Variants in PARD6G observed in about 807,000 individuals in gnomAD.
PARD6G encodes the protein partitioning defective 6 homolog gamma.
Under a neutral mutation model 10.7 loss-of-function variants are expected in PARD6G, and 7 were observed. That is an observed-to-expected ratio of 0.66 (90% CI 0.37 to 1.23). PARD6G has a LOEUF of 1.23. Ranked by LOEUF, PARD6G falls within the 50% of genes most tolerant of loss-of-function variation. The probability of loss-of-function intolerance (pLI) is 0.02; values close to 1 mark genes in which losing one functional copy is unlikely to be tolerated. For missense variants in PARD6G, 548 were observed against 571.8 expected (o/e 0.96, Z 0.42); for synonymous variants, 287 against 269.4 (o/e 1.07, Z -0.64).
At position 80,183,799 on chromosome 18, in the gene PARD6G, A is replaced by G. The variant is rs959159288; in HGVS notation, c.295+18911T>C. ...AAAATACAATAAATAAGTCCTCTAAATAAAGCTGTGGTATGAAGTTTAAAT... is the reference window on the plus strand; with the variant it reads ...AAAATACAATAAATAAGTCCTCTAAGTAAAGCTGTGGTATGAAGTTTAAAT... On this transcript the variant is annotated intron_variant, in intron 2 of 2. Transcript: ENST00000353265. This position sits in a 1 kb window ranked among gnomAD's most constrained non-coding sequence, Gnocchi z 4.5. 8.5e-5 allele frequency: 13 copies of G among 152,308 alleles called. No individual in the cohort carries two copies. Among genetic ancestry groups the G allele is most frequent in the Admixed American group, 5.9e-4 (9 of 15,284 alleles). The allele number at this position is 152,308 out of a possible 1,614,324, so 9.4% of individuals were successfully genotyped here.
At chr18:80,233,063 A>T in intron 1 of PARD6G, among the ~76,000 whole-genome samples, 1 of 151,342 alleles carries the variant, frequency 6.6e-6, no homozygotes, top group Admixed American at 6.6e-5. Flanking sequence ...CCACACACGC[A>T]GGGACCCCAG....
At chr18:80,214,056 T>C (rs11660652) in intron 1 of PARD6G, among the ~76,000 whole-genome samples, 39,986 of 151,546 alleles carry the variant, frequency 0.26, 6,944 homozygotes, top group Non-Finnish European at 0.4. Flanking sequence ...AAACTGTCCA[T>C]GAGGGGGCCC....
At chr18:80,203,601 G>A (rs1265763618) in intron 1 of PARD6G, among the ~76,000 whole-genome samples, 6 of 152,172 alleles carry the variant, frequency 3.9e-5, no homozygotes, top group African/African-American at 1.4e-4. Context: ...CATGAAAGGA[G>A]AATCCTTCCT....
chr18:80,172,714 C>A (rs1280249509), intron 2 of PARD6G, among the ~76,000 whole-genome samples: 1 of 152,168 alleles, frequency 6.6e-6, no homozygotes, highest in African/African-American at 2.4e-5. Context: ...CGTGAGTATT[C>A]TTTACATATT....
At position 80,228,095 on chromosome 18, in the gene PARD6G, A is replaced by G. The variant is rs551041270; in HGVS notation, c.72+19182T>C. 2.5e-4 allele frequency among the ~76,000 whole-genome samples: 38 copies of G among 152,314 alleles called. No individual in the cohort carries two copies. Among genetic ancestry groups the G allele is most frequent in the African/African-American group, 5.1e-4 (21 of 41,564 alleles). ...GAGAGCTCAGTATACAGTAGATACT[A>G]AAAACATTTACTAAACGACAGGTGA... On this transcript the variant is annotated intron_variant, in intron 1 of 2. Coordinates refer to ENST00000353265, the MANE Select transcript of PARD6G (RefSeq NM_032510.4). This position sits in a 1 kb window ranked among gnomAD's most constrained non-coding sequence, Gnocchi z 4.6.
At position 80,246,446 on chromosome 18, in the gene PARD6G, C is replaced by T. The variant is rs539777265; in HGVS notation, c.72+831G>A. 6.6e-6 allele frequency among the ~76,000 whole-genome samples: 1 copy of T among 152,168 alleles called. No homozygotes were observed. Among genetic ancestry groups the T allele is most frequent in the Admixed American group, 6.5e-5 (1 of 15,292 alleles). ...GCGACCCGCAAGTTCGGGCACGCTC[C>T]GCCCGGGCGCAGGCAGCGGGAGGGG... On this transcript the variant is annotated intron_variant, in intron 1 of 2. Coordinates refer to ENST00000353265, the MANE Select transcript of PARD6G (RefSeq NM_032510.4). The surrounding 1 kb of genome is among the most constrained non-coding windows in gnomAD (Gnocchi z 6.7).
chr18:80,232,362 G>C (rs1967367474), intron 1 of PARD6G, among the ~76,000 whole-genome samples: 1 of 152,112 alleles, frequency 6.6e-6, no homozygotes, highest in Non-Finnish European at 1.5e-5. Context: ...GCATGTATTA[G>C]TCCGTTTTCA....
intron 1 of PARD6G, among the ~76,000 whole-genome samples, chr18:80,240,264 A>T (rs751715426): frequency 6.6e-6 from 1 of 152,252 alleles, no homozygotes; most frequent in Non-Finnish European, 1.5e-5. Flanking sequence ...ACTGCAAAAT[A>T]TAATCATCCC....
In PARD6G at chr18:80,182,974, C is replaced by T. The variant is rs2052855553; in HGVS notation, c.295+19736G>A. On this transcript the variant is annotated intron_variant, in intron 2 of 2. Transcript: ENST00000353265. The surrounding 1 kb of genome is among the most constrained non-coding windows in gnomAD (Gnocchi z 4.5). The stretch of plus-strand genomic sequence containing the variant: ...GCAGCCAGACGCCCCTCCCAGTCCT[C>T]CTTCGTCCTGACGTGGCTCCCAGTG... The T allele has an allele frequency of 7.8e-6, 5 of 640,868 alleles. No homozygotes were observed. In the South Asian group the frequency reaches 8.9e-5, roughly 11 times the overall value. The allele number at this position is 640,868 out of a possible 1,614,324, so 39.7% of individuals were successfully genotyped here. A position where few individuals can be genotyped will look rare whatever the true frequency, so the allele number is the denominator to read the frequency against.
At chr18:80,241,097 C>G (rs190965390) in intron 1 of PARD6G, among the ~76,000 whole-genome samples, 27 of 152,294 alleles carry the variant, frequency 1.8e-4, no homozygotes, top group African/African-American at 6.5e-4. Context: ...CCATAAAACA[C>G]AAGACTAACC....
chr18:80,222,194 C>T (rs557813323), intron 1 of PARD6G, among the ~76,000 whole-genome samples: 21 of 152,136 alleles, frequency 1.4e-4, no homozygotes, highest in Non-Finnish European at 2.9e-4. Flanking sequence ...AAGTGATCTT[C>T]CTGCATCAGC....
intron 2 of PARD6G, among the ~76,000 whole-genome samples, chr18:80,199,115 G>A (rs973426283): frequency 6.6e-6 from 1 of 152,180 alleles, no homozygotes; most frequent in African/African-American, 2.4e-5. Flanking sequence ...GTAGTAGTTT[G>A]TTCTCTAAAG....
rs1281233244 is a variant in PARD6G at position 80,232,521 on chromosome 18, AT to A, written c.72+14755del. Among the ~76,000 whole-genome samples, 8 of 152,176 alleles carry A rather than the reference AT, an allele frequency of 5.3e-5. No homozygotes were observed. The East Asian group carries it at 1.5e-3, about 29-fold the overall frequency. On this transcript the variant is annotated intron_variant, in intron 1 of 2. Coordinates refer to ENST00000353265, the MANE Select transcript of PARD6G (RefSeq NM_032510.4). ...GCAGCAAGAAAAAAATGAGGAAGAT[AT>A]GAAAGTGGAAACCCCTGATAAAACC...
At chr18:80,234,451 A>G (rs1343589611) in intron 1 of PARD6G, among the ~76,000 whole-genome samples, 3 of 152,158 alleles carry the variant, frequency 2.0e-5, no homozygotes, top group East Asian at 1.9e-4. Context: ...CAAATAGCTA[A>G]TAAGTTGTGG....
In PARD6G at chr18:80,174,753, G is replaced by A. The variant is rs1386091187; in HGVS notation, c.296-14147C>T. On this transcript the variant is annotated intron_variant, in intron 2 of 2. Coordinates refer to ENST00000353265, the MANE Select transcript of PARD6G (RefSeq NM_032510.4). The stretch of plus-strand genomic sequence containing the variant: ...GCGGATCACGAGGTCAGGAGATCGA[G>A]ACCATCCTGGCTAACACGGTGAAAC... Among the ~76,000 whole-genome samples the A allele has an allele frequency of 6.1e-4, 93 of 152,104 alleles. 1 individual carries two copies. The highest frequency in any genetic ancestry group is 6.1e-3 in the Admixed American group (93 of 15,272).
intron 1 of PARD6G, among the ~76,000 whole-genome samples, chr18:80,236,736 C>A (rs982004670): frequency 6.6e-6 from 1 of 152,132 alleles, no homozygotes; most frequent in East Asian, 1.9e-4. Flanking sequence ...CATAAGTGAA[C>A]TCCCATTCAC....
At position 80,192,565 on chromosome 18, in the gene PARD6G, C is replaced by T. The variant is rs1039257158; in HGVS notation, c.295+10145G>A. The stretch of plus-strand genomic sequence containing the variant: ...GGATGGGGGAGAGCAGGTGCCACGG[C>T]GGGAGCCTGAAGCTCCACAATTGCC... On this transcript the variant is annotated intron_variant, in intron 2 of 2. Transcript: ENST00000353265. The surrounding 1 kb of genome is among the most constrained non-coding windows in gnomAD (Gnocchi z 4.9). Among the ~76,000 whole-genome samples the T allele has an allele frequency of 3.4e-4, 51 of 151,932 alleles. No individual in the cohort carries two copies. The highest frequency in any genetic ancestry group is 2.1e-4 in the South Asian group (1 of 4,810).
At chr18:80,186,339 ATGTG>A (rs2052877577) in intron 2 of PARD6G, among the ~76,000 whole-genome samples, 1 of 135,262 alleles carries the variant, frequency 7.4e-6, no homozygotes, top group Admixed American at 7.7e-5. Context: ...ACACCCTCAC[ATGTG>A]CATGCACCCT....
chr18:80,236,186 G>C (rs1342399012), intron 1 of PARD6G, among the ~76,000 whole-genome samples: 1 of 152,152 alleles, frequency 6.6e-6, no homozygotes, highest in Non-Finnish European at 1.5e-5. Flanking sequence ...GGGATGCAAG[G>C]CTGGTTCAAC....
Sources: gnomAD v4.1 joint callset for allele counts (sites outside exome capture counted in the v4.1 genomes callset) on GRCh38, gnomAD v4.1.1 for gene constraint, Gnocchi (gnomAD v3.1) non-coding constraint, MANE v1.5 for transcripts, NCBI Gene and HGNC (gene_info 2026-07-23, HGNC 2026-07-21) for gene names.